The following PCNX2 variants were observed in gnomAD, a reference collection of about 807,000 sequenced individuals.
PCNX2 encodes pecanex-like protein 2.
A neutral mutation model predicts 223.8 loss-of-function variants in PCNX2; 168 were observed. The observed-to-expected ratio is 0.75, with a 90% CI of 0.66 to 0.85. The LOEUF (loss-of-function observed/expected upper bound fraction) is 0.85. Among genes scored for constraint, PCNX2 ranks in the 40% least tolerant of loss-of-function variants. The pLI is 0.00. For synonymous variants in PCNX2, 1,006 were observed against 1,052.6 expected (o/e 0.96, Z 0.86); for missense variants, 2,507 against 2,675.5 (o/e 0.94, Z 1.39).
At chr1:233,314,119 G>A in the PCNX2 span, among the ~76,000 whole-genome samples, 32 of 152,240 alleles carry the variant, frequency 2.1e-4, no homozygotes, top group East Asian at 6.0e-3. Context: ...TCCATCAAAG[G>A]CAGTCATTAA....
At position 233,139,968 on chromosome 1, in the gene PCNX2, G is replaced by A; in HGVS notation, c.3518-113C>T. ...CTTTAATTCAAAAGCTGCTAATTAA[G>A]AACTCGTGATACTAGACATGATATA... On this transcript the variant is annotated intron_variant, in intron 19 of 33. Transcript: ENST00000258229. The surrounding 1 kb of genome is among the most constrained non-coding windows in gnomAD (Gnocchi z 4.4). 7.5e-7 allele frequency: 1 copy of A among 1,325,066 alleles called. No homozygotes were observed. Among genetic ancestry groups the A allele is most frequent in the Non-Finnish European group, 1.0e-6 (1 of 982,954 alleles). 82.1% of individuals were successfully genotyped at this position (1,325,066 alleles called of 1,614,324 possible). A position where few individuals can be genotyped will look rare whatever the true frequency, so the allele number is the denominator to read the frequency against.
In PCNX2 at chr1:232,998,520, A is replaced by G. The variant is rs1397846726; in HGVS notation, c.5604-82T>C. 8.7e-6 allele frequency: 13 copies of G among 1,490,384 alleles called. No individual in the cohort carries two copies. In the East Asian group the frequency reaches 2.8e-4, roughly 33 times the overall value. The allele number at this position is 1,490,384 out of a possible 1,614,324, so 92.3% of individuals were successfully genotyped here. On this transcript the variant is annotated intron_variant, in intron 31 of 33. Transcript: ENST00000258229. ...AATGCACCACCATGGCCTTGCCTAA[A>G]TCGGGATCGAAGAGCGTGCTCTCCA...
chr1:233,259,759 A>G (rs1224058353), intron 4 of PCNX2: 1 of 659,404 alleles, frequency 1.5e-6, no homozygotes, highest in African/African-American at 2.0e-5. Context: ...GATGGTTTCC[A>G]GCTTCATCCA....
intron 28 of PCNX2, among the ~76,000 whole-genome samples, chr1:233,009,346 C>T (rs1670389419): frequency 6.6e-6 from 1 of 152,118 alleles, no homozygotes; most frequent in African/African-American, 2.4e-5. Context: ...AAACTAAGCA[C>T]ATTTGAATTG....
At chr1:233,049,073 T>C (rs1671911254) in intron 25 of PCNX2, among the ~76,000 whole-genome samples, 1 of 152,104 alleles carries the variant, frequency 6.6e-6, no homozygotes, top group Non-Finnish European at 1.5e-5. Flanking sequence ...GAAGAGCTAG[T>C]ACCAATTCTA....
intron 1 of PCNX2, among the ~76,000 whole-genome samples, chr1:233,279,009 T>C (rs1399127437): frequency 6.6e-6 from 1 of 152,156 alleles, no homozygotes; most frequent in Non-Finnish European, 1.5e-5. Flanking sequence ...AAGACTCCTC[T>C]TGTTCATTTT....
chr1:233,185,631 T>C (rs1001124160), intron 15 of PCNX2, among the ~76,000 whole-genome samples: 4 of 152,170 alleles, frequency 2.6e-5, no homozygotes, highest in Non-Finnish European at 5.9e-5. Flanking sequence ...TCAGGGCTTG[T>C]TGAAACACAT....
intron 23 of PCNX2, among the ~76,000 whole-genome samples, chr1:233,070,891 G>T (rs1672824727): frequency 6.6e-6 from 1 of 152,180 alleles, no homozygotes; most frequent in South Asian, 2.1e-4. Flanking sequence ...AAAAAAATTA[G>T]CCAGGTTTGG....
intron 21 of PCNX2, among the ~76,000 whole-genome samples, chr1:233,115,019 C>T (rs144343245): frequency 2.6e-4 from 40 of 152,174 alleles, no homozygotes; most frequent in Middle Eastern, 3.4e-3. Flanking sequence ...CAGCACTGCA[C>T]AGGAGCCGAT....
chr1:233,078,199 G>A (rs533197148), intron 23 of PCNX2, among the ~76,000 whole-genome samples: 1 of 152,134 alleles, frequency 6.6e-6, no homozygotes, highest in Non-Finnish European at 1.5e-5. Context: ...TACCTACAGT[G>A]GTCTGCTGTT....
chr1:233,248,500 G>A (rs999869008), intron 8 of PCNX2, among the ~76,000 whole-genome samples: 3 of 152,160 alleles, frequency 2.0e-5, no homozygotes, highest in South Asian at 2.1e-4. Context: ...TCTTTTGACC[G>A]CCGGGGTGAG....
In PCNX2 at chr1:233,208,634, C is replaced by T. The variant is rs754471436; in HGVS notation, c.2747G>A (p.Gly916Asp). ...CCCTGTATCAAGAAGCAAAATAAGG[C>T]CACACAGCACACAAAAATAGATTGG... is the stretch of plus-strand genomic sequence containing the variant. ...SRPIYFCVLC[G>D]LILLLDTGAK... Residue 916 changes from glycine (G) to aspartate (D), a missense_variant, in exon 13 of 34, where the codon GGC becomes GAC. This residue lies in a region of PCNX2 where 104 missense variants were observed against 144.4 expected (regional missense o/e 0.72). Coordinates refer to ENST00000258229, the MANE Select transcript of PCNX2 (RefSeq NM_014801.4). The T allele has an allele frequency of 6.2e-7, 1 of 1,613,640 alleles. No homozygotes were observed. Among genetic ancestry groups the T allele is most frequent in the Admixed American group, 1.7e-5 (1 of 59,994 alleles).
chr1:233,186,647 A>G lies in PCNX2; in HGVS notation c.3067-7472T>C, dbSNP rs1468305855. Reference sequence around the variant, plus strand: ...AGGTCAATATGTGTCCCGCAAATAAATGAACAATTATGTGAACACATATGG... The same window carrying G: ...AGGTCAATATGTGTCCCGCAAATAAGTGAACAATTATGTGAACACATATGG... On this transcript the variant is annotated intron_variant, in intron 15 of 33. Coordinates refer to ENST00000258229, the MANE Select transcript of PCNX2 (RefSeq NM_014801.4). Among the ~76,000 whole-genome samples, 3 of 152,230 alleles carry G rather than the reference A, an allele frequency of 2.0e-5. No homozygotes were observed. In the East Asian group the frequency reaches 5.8e-4, roughly 29 times the overall value.
At chr1:233,206,289 A>G (rs1382760197) in intron 13 of PCNX2, among the ~76,000 whole-genome samples, 6 of 152,098 alleles carry the variant, frequency 3.9e-5, no homozygotes, top group Admixed American at 3.3e-4. Flanking sequence ...AAATTATTTT[A>G]TGCTTTCTCC....
chr1:232,991,732 G>A lies in PCNX2; in HGVS notation c.5792-5192C>T, dbSNP rs536871679. On this transcript the variant is annotated intron_variant, in intron 32 of 33. Coordinates refer to ENST00000258229, the MANE Select transcript of PCNX2 (RefSeq NM_014801.4). The surrounding 1 kb of genome is among the most constrained non-coding windows in gnomAD (Gnocchi z 4.3). Reference sequence around the variant, plus strand: ...CTTCTCGAGGCCGGGGGATGCCTAAGATGGCCGGTGAACCACCACAAGCTA... The same window carrying A: ...CTTCTCGAGGCCGGGGGATGCCTAAAATGGCCGGTGAACCACCACAAGCTA... Among the ~76,000 whole-genome samples the A allele has an allele frequency of 2.6e-4, 40 of 152,254 alleles. 1 individual carries two copies. The highest frequency in any genetic ancestry group is 9.6e-4 in the African/African-American group (40 of 41,532).
In PCNX2 at chr1:233,016,978, A is replaced by G. The variant is rs369127953; in HGVS notation, c.4782T>C (p.Ala1594=). ...ATTCTAGATAAACATTGCAGAAGCTAGCTCGTGTGATCCCCTGGAGACACG... is the reference window on the plus strand; with the variant it reads ...ATTCTAGATAAACATTGCAGAAGCTGGCTCGTGTGATCCCCTGGAGACACG... ...YVPCLQGITR[A]SFCNVYLEWI... is the part of the protein sequence containing the mutation. Residue 1594 remains alanine (A), a synonymous_variant, in exon 27 of 34, where the codon GCT becomes GCC. Coordinates refer to ENST00000258229, the MANE Select transcript of PCNX2 (RefSeq NM_014801.4). 1 of 1,613,664 alleles carries G rather than the reference A, an allele frequency of 6.2e-7. No homozygotes were observed. The highest frequency in any genetic ancestry group is 1.3e-5 in the African/African-American group (1 of 74,910).
Position 233,111,432 on chromosome 1 carries a change from A to G in PCNX2, c.3838-15569T>C, listed in dbSNP as rs988296533. On this transcript the variant is annotated intron_variant, in intron 21 of 33. Transcript: ENST00000258229. ...TTTTTCATTTTTTATTTTTTGAGAC[A>G]GAGTCTTGCTCTGTTGTCCAGGCTG... Among the ~76,000 whole-genome samples, 2 of 152,322 alleles carry G rather than the reference A, an allele frequency of 1.3e-5. 1 individual carries two copies. Among genetic ancestry groups the G allele is most frequent in the Middle Eastern group, 6.8e-3 (2 of 294 alleles).
chr1:233,121,283 C>A (rs1200808184), intron 21 of PCNX2, among the ~76,000 whole-genome samples: 1 of 152,044 alleles, frequency 6.6e-6, no homozygotes, highest in African/African-American at 2.4e-5. Flanking sequence ...CCAGCATAAA[C>A]CCATTCAAAA....
chr1:233,008,963 G>C (rs1453740748), intron 28 of PCNX2, among the ~76,000 whole-genome samples: 1 of 152,180 alleles, frequency 6.6e-6, no homozygotes, highest in Non-Finnish European at 1.5e-5. Context: ...ATGCAGAGCT[G>C]GGGGGAGTGT....
Sources: gnomAD v4.1 joint callset for allele counts (sites outside exome capture counted in the v4.1 genomes callset) on GRCh38, gnomAD v4.1.1 for gene constraint, gnomAD v4.1.1 regional missense constraint, Gnocchi (gnomAD v3.1) non-coding constraint, MANE v1.5 for transcripts, NCBI Gene and HGNC (gene_info 2026-07-23, HGNC 2026-07-21) for gene names.